The following PSMA6 variants were observed in gnomAD, a reference collection of about 807,000 sequenced individuals.
PSMA6 encodes the protein proteasome 20S subunit alpha 6.
For missense variants in PSMA6, 170 were observed against 294.8 expected, an observed-to-expected ratio of 0.58 and a Z score of 3.10; for synonymous variants, 88 against 97.7, an observed-to-expected ratio of 0.90 and a Z score of 0.59.
chr14:35,312,522 A>AC (rs1300452272), intron 4 of PSMA6, among the ~76,000 whole-genome samples: 1 of 120,726 alleles, frequency 8.3e-6, no homozygotes, highest in Non-Finnish European at 1.9e-5. Context: ...AAAAAAAAAA[A>AC]AAAAAAAAAA....
chr14:35,313,508 A>G (rs910585873), intron 5 of PSMA6: 2 of 153,268 alleles, frequency 1.3e-5, no homozygotes, highest in African/African-American at 4.8e-5. Context: ...GCTTCTGATA[A>G]GTGACCAAAA....
intron 1 of PSMA6, among the ~76,000 whole-genome samples, chr14:35,286,307 G>A (rs2051421257): frequency 6.6e-6 from 1 of 152,144 alleles, no homozygotes; most frequent in Non-Finnish European, 1.5e-5. Context: ...TGGAACATTT[G>A]CTGTTCTCTC....
At chr14:35,285,752 CTAAA>C (rs1487355534) in intron 1 of PSMA6, among the ~76,000 whole-genome samples, 2 of 152,178 alleles carry the variant, frequency 1.3e-5, no homozygotes, top group Non-Finnish European at 2.9e-5. Context: ...TGAATAAAGT[CTAAA>C]TAAAGTTCAT....
intron 6 of PSMA6, 69 bp downstream of exon 6, chr14:35,314,524 T>C (rs1182770061): frequency 1.4e-6 from 2 of 1,444,502 alleles, no homozygotes; most frequent in East Asian, 5.0e-5. Flanking sequence ...GTCCTATAAC[T>C]TGTGGGGGAA....
intron 3 of PSMA6, among the ~76,000 whole-genome samples, chr14:35,309,420 TGAGAGG>T (rs2051895195): frequency 6.6e-6 from 1 of 151,196 alleles, no homozygotes; most frequent in South Asian, 2.1e-4. Context: ...GAGGCCAAGG[TGAGAGG>T]ATTGTTTAAG....
At chr14:35,312,156 A>C (rs1350781506) in intron 4 of PSMA6, among the ~76,000 whole-genome samples, 1 of 147,016 alleles carries the variant, frequency 6.8e-6, no homozygotes, top group Non-Finnish European at 1.5e-5. Context: ...ACTTGAACCC[A>C]GGAGTTCAAG....
chr14:35,310,133 T>A (rs930537079), intron 3 of PSMA6: 9 of 405,116 alleles, frequency 2.2e-5, no homozygotes, highest in South Asian at 8.9e-5. Context: ...AAAAAAAAAA[T>A]GAAAAACTAA....
chr14:35,294,717 G>A (rs770816196), intron 1 of PSMA6, among the ~76,000 whole-genome samples: 3 of 149,924 alleles, frequency 2.0e-5, no homozygotes, highest in Non-Finnish European at 4.4e-5. Flanking sequence ...TTTTTTTTTT[G>A]GTCTATTAGA....
At chr14:35,305,888 G>A (rs1020702962) in intron 1 of PSMA6, among the ~76,000 whole-genome samples, 3 of 152,064 alleles carry the variant, frequency 2.0e-5, no homozygotes, top group African/African-American at 7.2e-5. Flanking sequence ...TTTGAGACCA[G>A]CCTGGGCGAC....
intron 6 of PSMA6, 30 bp downstream of exon 6, chr14:35,314,485 T>G (rs80013234): frequency 2.5e-6 from 4 of 1,597,226 alleles, no homozygotes; most frequent in Non-Finnish European, 3.4e-6. Context: ...ACATGCAGAC[T>G]AGAAAGGTGG....
intron 1 of PSMA6, 125 bp downstream of exon 1, chr14:35,292,677 C>G: frequency 6.7e-7 from 1 of 1,486,044 alleles, no homozygotes; most frequent in Non-Finnish European, 9.0e-7. Context: ...GAAGGGAGAA[C>G]GGCTGAAGCT....
chr14:35,305,227 C>T (rs989056233), intron 1 of PSMA6, among the ~76,000 whole-genome samples: 1 of 151,252 alleles, frequency 6.6e-6, no homozygotes, highest in Admixed American at 6.6e-5. Flanking sequence ...ACTGCAGCCT[C>T]GACCTCCTGG....
intron 1 of PSMA6, among the ~76,000 whole-genome samples, chr14:35,297,119 GTTTTTTT>G (rs924383407): frequency 9.6e-5 from 6 of 62,656 alleles, no homozygotes; most frequent in African/African-American, 1.3e-4. Flanking sequence ...TCTTAACAAA[GTTTTTTT>G]TTTTTTTTTT....
intron 5 of PSMA6, chr14:35,313,561 G>A (rs2051984350): frequency 1.3e-5 from 2 of 152,498 alleles, no homozygotes; most frequent in Non-Finnish European, 2.9e-5. Context: ...TTGGAAGTAT[G>A]CTTAAAGGAG....
At chr14:35,309,518 A>G in intron 3 of PSMA6, among the ~76,000 whole-genome samples, 1 of 152,110 alleles carries the variant, frequency 6.6e-6, no homozygotes, top group Non-Finnish European at 1.5e-5. Flanking sequence ...GGGGCTGGTC[A>G]CGGTGGCTCA....
At chr14:35,280,885 CAT>C (rs1045038559) in intron 1 of PSMA6, among the ~76,000 whole-genome samples, 1 of 152,202 alleles carries the variant, frequency 6.6e-6, no homozygotes, top group Non-Finnish European at 1.5e-5. Flanking sequence ...CACCACCACA[CAT>C]ACCTGATTTT....
At chr14:35,290,757 T>C (rs2051468558), upstream of PSMA6, among the ~76,000 whole-genome samples, 1 of 152,172 alleles carries the variant, frequency 6.6e-6, no homozygotes, top group Non-Finnish European at 1.5e-5. Flanking sequence ...ACATTATGTT[T>C]TGCATTTTGT....
At chr14:35,307,861 T>G in intron 1 of PSMA6, 133 bp from the exon 2 acceptor site, 1 of 708,536 alleles carries the variant, frequency 1.4e-6, no homozygotes. Context: ...ATTTTGACTT[T>G]GCACATCCTG....
chr14:35,304,669 G>A (rs1424983456), intron 1 of PSMA6, among the ~76,000 whole-genome samples: 1 of 150,616 alleles, frequency 6.6e-6, no homozygotes, highest in Admixed American at 6.6e-5. Context: ...AGGGGTTGCA[G>A]TAAGCCAAGA....
Sources: gnomAD v4.1 joint callset for allele counts (sites outside exome capture counted in the v4.1 genomes callset) on GRCh38, gnomAD v4.1.1 for gene constraint, MANE v1.5 for transcripts, NCBI Gene and HGNC (gene_info 2026-07-23, HGNC 2026-07-21) for gene names.